The following MYOM2 variants were observed in gnomAD, a reference collection of about 807,000 sequenced individuals.
The protein encoded by MYOM2 is myomesin-2.
A neutral mutation model predicts 187.6 loss-of-function variants in MYOM2; 254 were observed. The observed-to-expected ratio is 1.35, with a 90% confidence interval of 1.22 to 1.50. The LOEUF (loss-of-function observed/expected upper bound fraction) is 1.50, where lower values mean the gene tolerates loss of function less well. Among genes scored for constraint, MYOM2 ranks in the 40% most tolerant of loss-of-function variants. The pLI, the probability that MYOM2 is intolerant of heterozygous loss-of-function variation, is 0.00. For missense variants in MYOM2, 2,796 were observed against 1,924.0 expected (o/e 1.45, Z -8.48); for synonymous variants, 981 against 753.8 (o/e 1.30, Z -4.94).
intron 9 of MYOM2, 93 bp downstream of exon 9, chr8:2,072,602 C>G (rs2129334598): frequency 2.1e-6 from 3 of 1,426,284 alleles, no homozygotes; most frequent in Non-Finnish European, 2.8e-6. Context: ...GCTTTTGTCT[C>G]TACCACTGGG....
chr8:2,109,662 G>A, intron 25 of MYOM2, 131 bp downstream of exon 25: 1 of 1,010,536 alleles, frequency 9.9e-7, no homozygotes, highest in Non-Finnish European at 1.4e-6. Context: ...GGGCATGGAA[G>A]GTTGACAAGA....
chr8:2,095,102 A>G (rs62478388), intron 17 of MYOM2, among the ~76,000 whole-genome samples: 1 of 152,178 alleles, frequency 6.6e-6, no homozygotes, highest in East Asian at 1.9e-4. Flanking sequence ...ATTTTCAGAA[A>G]TTAAAATTTA....
chr8:2,061,174 G>A (rs919507816), intron 6 of MYOM2, among the ~76,000 whole-genome samples: 2 of 151,798 alleles, frequency 1.3e-5, no homozygotes, highest in South Asian at 4.2e-4. Flanking sequence ...AGCTGTCTCC[G>A]GTTTAGTGAG....
chr8:2,097,126 G>A (rs1412253415), intron 18 of MYOM2: 4 of 982,090 alleles, frequency 4.1e-6, no homozygotes, highest in Non-Finnish European at 4.8e-6. Flanking sequence ...CCAACAGGAG[G>A]GCTTTCTTTT....
At chr8:2,109,086 G>T (rs1365473399) in intron 24 of MYOM2, among the ~76,000 whole-genome samples, 1 of 152,184 alleles carries the variant, frequency 6.6e-6, no homozygotes, top group African/African-American at 2.4e-5. Flanking sequence ...TGAGATCCAA[G>T]ATTTCATTTC....
At position 2,106,285 on chromosome 8, in the gene MYOM2, C is replaced by T. The variant is rs755880783; in HGVS notation, c.2778C>T (p.Ile926=). ...CTGGTGTCGATGAACAAGGCAACAT[C>T]TATCTGGGCTTCGACTGCCAGGAAA... ...ISAGVDEQGN[I]YLGFDCQEMT... Residue 926 remains isoleucine (I), a synonymous_variant, in exon 22 of 37, where the codon ATC becomes ATT. Coordinates refer to ENST00000262113, the MANE Select transcript of MYOM2 (RefSeq NM_003970.4). 3 of 1,614,198 alleles carry T rather than the reference C, an allele frequency of 1.9e-6. No homozygotes were observed. Among genetic ancestry groups the T allele is most frequent in the Non-Finnish European group, 1.7e-6 (2 of 1,180,046 alleles).
At chr8:2,135,293 T>C (rs1550453) in intron 32 of MYOM2, among the ~76,000 whole-genome samples, 5,388 of 152,232 alleles carry the variant, frequency 0.035, 338 homozygotes, top group African/African-American at 0.12. Context: ...AATCAAAATA[T>C]TGCTTTCCAA....
At chr8:2,096,206 G>A (rs58868465) in intron 17 of MYOM2, 41 bp from the exon 18 acceptor site, 1,389,632 of 1,586,582 alleles carry the variant, frequency 0.88, 614,093 homozygotes, top group Non-Finnish European at 0.91. Context: ...AAAGCCCCCA[G>A]CTGAGGCCCT....
Position 2,096,336 on chromosome 8 carries a change from G to C in MYOM2, c.2215G>C (p.Gly739Arg). 2 of 1,614,184 alleles carry C rather than the reference G, an allele frequency of 1.2e-6. No homozygotes were observed. Among genetic ancestry groups the C allele is most frequent in the Non-Finnish European group, 1.7e-6 (2 of 1,180,038 alleles). Residue 739 changes from glycine to arginine, a missense_variant, in exon 18 of 37, where the codon GGC becomes CGC. Physicochemically the swap from Gly to Arg is moderately radical, Grantham distance 125. Transcript: ENST00000262113. ...LGWKVPKFSG[G>R]SPILGYYLDK... ...CTGGAAGGTCCCGAAATTCAGTGGTGGCTCGCCCATCCTGGGCTACTACCT... is the reference window on the plus strand; with the variant it reads ...CTGGAAGGTCCCGAAATTCAGTGGTCGCTCGCCCATCCTGGGCTACTACCT...
Position 2,085,388 on chromosome 8 carries a change from A to G in MYOM2, c.1642A>G (p.Lys548Glu). Reference sequence around the variant, plus strand: ...GGACCCGCTCATGTACTTCATTGAGAAGGTAAACTCCGGGCCCGTGTCCTG... The same window carrying G: ...GGACCCGCTCATGTACTTCATTGAGGAGGTAAACTCCGGGCCCGTGTCCTG... The part of the protein sequence containing the change: ...GKDPLMYFIE[K>E]SVVGSGSWQR... Residue 548 changes from lysine to glutamate, a missense_variant and splice_region_variant, in exon 14 of 37, where the codon AAG becomes GAG. Transcript: ENST00000262113. The G allele has an allele frequency of 6.2e-7, 1 of 1,608,308 alleles. No individual in the cohort carries two copies. The highest frequency in any genetic ancestry group is 8.5e-7 in the Non-Finnish European group (1 of 1,177,972).
At chr8:2,100,566 C>T in intron 19 of MYOM2, 1 of 339,806 alleles carries the variant, frequency 2.9e-6, no homozygotes, top group Non-Finnish European at 5.5e-6. Context: ...ACTTGAGAAC[C>T]TGTCCTTTCC....
chr8:2,061,533 T>A (rs1818851839), intron 6 of MYOM2, among the ~76,000 whole-genome samples: 1 of 152,126 alleles, frequency 6.6e-6, no homozygotes, highest in African/African-American at 2.4e-5. Flanking sequence ...TTCCTGATGC[T>A]CATCCTGGTG....
At chr8:2,131,997 C>A (rs908600642) in intron 32 of MYOM2, among the ~76,000 whole-genome samples, 9 of 152,148 alleles carry the variant, frequency 5.9e-5, no homozygotes, top group African/African-American at 2.2e-4. Flanking sequence ...TAACTTCTTA[C>A]TATTTGACTA....
intron 31 of MYOM2, among the ~76,000 whole-genome samples, chr8:2,127,094 G>C (rs573940764): frequency 3.3e-5 from 5 of 151,940 alleles, no homozygotes; most frequent in Admixed American, 2.0e-4. Context: ...GGTTAGGGTG[G>C]TGTTGGTCTC....
intron 6 of MYOM2, among the ~76,000 whole-genome samples, chr8:2,067,540 A>G (rs960250658): frequency 6.6e-6 from 1 of 152,156 alleles, no homozygotes; most frequent in East Asian, 1.9e-4. Flanking sequence ...AAGTGACTTG[A>G]GGAGGGCTTG....
chr8:2,132,827 C>G (rs899718484), intron 32 of MYOM2, among the ~76,000 whole-genome samples: 2 of 152,202 alleles, frequency 1.3e-5, no homozygotes, highest in African/African-American at 4.8e-5. Context: ...TGTAAATGCT[C>G]TCCTAAAATC....
intron 28 of MYOM2, among the ~76,000 whole-genome samples, chr8:2,122,591 C>T (rs1450844263): frequency 6.6e-6 from 1 of 152,234 alleles, no homozygotes; most frequent in African/African-American, 2.4e-5. Flanking sequence ...ATGTGAACAT[C>T]GAATTGTGAG....
At chr8:2,113,824 G>A (rs1797148130) in intron 25 of MYOM2, among the ~76,000 whole-genome samples, 1 of 152,240 alleles carries the variant, frequency 6.6e-6, no homozygotes, top group Non-Finnish European at 1.5e-5. Flanking sequence ...GCCCCCTCCA[G>A]CTGACTTTCT....
intron 19 of MYOM2, among the ~76,000 whole-genome samples, chr8:2,099,335 A>T (rs1585903798): frequency 6.6e-6 from 1 of 152,294 alleles, no homozygotes; most frequent in East Asian, 1.9e-4. Context: ...ACCCCAAAGG[A>T]GCAGGCAGAG....
Sources: gnomAD v4.1 joint callset for allele counts (sites outside exome capture counted in the v4.1 genomes callset) on GRCh38, gnomAD v4.1.1 for gene constraint, MANE v1.5 for transcripts, NCBI Gene and HGNC (gene_info 2026-07-23, HGNC 2026-07-21) for gene names.